The following VPS41 variants were observed in gnomAD, a reference collection of about 807,000 sequenced individuals.
VPS41 encodes VPS41 subunit of HOPS complex, also known as vacuolar protein sorting-associated protein 41 homolog.
A neutral mutation model predicts 130.9 loss-of-function variants in VPS41; 85 were observed. The observed-to-expected ratio is 0.65, with a 90% CI of 0.55 to 0.78. The LOEUF is 0.78. VPS41 is among the 30% of genes least tolerant of loss of function. The probability of loss-of-function intolerance (pLI) is 0.00; values close to 1 mark genes in which losing one functional copy is unlikely to be tolerated. For synonymous variants in VPS41, 335 were observed against 332.9 expected, an observed-to-expected ratio of 1.01 and a Z score of -0.07; for missense variants, 874 against 1,018.7, an observed-to-expected ratio of 0.86 and a Z score of 1.93.
intron 18 of VPS41, among the ~76,000 whole-genome samples, chr7:38,757,663 T>G (rs1783826773): frequency 6.6e-6 from 1 of 152,140 alleles, no homozygotes; most frequent in Non-Finnish European, 1.5e-5. Flanking sequence ...TATACCTTTT[T>G]TGGTTTTGGG....
intron 9 of VPS41, among the ~76,000 whole-genome samples, chr7:38,794,000 C>A (rs1291680159): frequency 6.6e-6 from 1 of 152,070 alleles, no homozygotes; most frequent in Non-Finnish European, 1.5e-5. Context: ...TTTATAGGTT[C>A]TAGGAATTAG....
At chr7:38,742,299 A>G (rs1285199803) in intron 24 of VPS41, among the ~76,000 whole-genome samples, 178 bp from the exon 25 acceptor site, 1 of 152,244 alleles carries the variant, frequency 6.6e-6, no homozygotes, top group Non-Finnish European at 1.5e-5. Flanking sequence ...TTAATCTTCT[A>G]AACTTCCAAG....
At chr7:38,905,366 G>A (rs1353261569) in intron 1 of VPS41, among the ~76,000 whole-genome samples, 1 of 152,200 alleles carries the variant, frequency 6.6e-6, no homozygotes, top group Non-Finnish European at 1.5e-5. Context: ...AAAACTGCTG[G>A]TTAGAAGATT....
intron 27 of VPS41, 78 bp from the exon 28 acceptor site, chr7:38,727,066 C>A: frequency 7.5e-7 from 1 of 1,330,160 alleles, no homozygotes; most frequent in South Asian, 2.0e-5. Flanking sequence ...GACTGAAAGT[C>A]GAGTTGCAGT....
chr7:38,726,895 A>C lies in VPS41; in HGVS notation c.2484+14T>G. On this transcript the variant is annotated intron_variant, in intron 28 of 28. Coordinates refer to ENST00000310301, the MANE Select transcript of VPS41 (RefSeq NM_014396.4). ...ATTTCCCTCTAGTTGATAGGTGCCA[A>C]GCTGCCAACTCACCATGCTGGGCAT... The C allele has an allele frequency of 6.5e-7, 1 of 1,532,102 alleles. No homozygotes were observed. The highest frequency in any genetic ancestry group is 8.8e-7 in the Non-Finnish European group (1 of 1,140,920). 94.9% of individuals were successfully genotyped at this position (1,532,102 alleles called of 1,614,324 possible).
At chr7:38,730,270 T>C (rs2078438605) in intron 25 of VPS41, among the ~76,000 whole-genome samples, 1 of 152,210 alleles carries the variant, frequency 6.6e-6, no homozygotes. Flanking sequence ...TTCATGCCAC[T>C]GGGGAAGAAA....
At chr7:38,858,710 T>G (rs961673225) in intron 4 of VPS41, among the ~76,000 whole-genome samples, 4 of 152,220 alleles carry the variant, frequency 2.6e-5, no homozygotes, top group Non-Finnish European at 5.9e-5. Context: ...GTGTCTGTGA[T>G]GATGCTAGTG....
intron 4 of VPS41, among the ~76,000 whole-genome samples, chr7:38,849,253 C>T (rs1420709572): frequency 2.6e-5 from 4 of 152,038 alleles, no homozygotes; most frequent in Non-Finnish European, 5.9e-5. Context: ...TGCTCCTGAC[C>T]CCACGGCAGC....
At chr7:38,828,193 C>T (rs1785317220) in intron 5 of VPS41, among the ~76,000 whole-genome samples, 1 of 151,992 alleles carries the variant, frequency 6.6e-6, no homozygotes, top group Admixed American at 6.6e-5. Context: ...CTTGTATGTA[C>T]TTATCCTAAA....
intron 25 of VPS41, 35 bp from the exon 26 acceptor site, chr7:38,728,826 A>ACAGATT: frequency 6.3e-7 from 1 of 1,593,066 alleles, no homozygotes; most frequent in Non-Finnish European, 8.6e-7. Context: ...AGCCATCTTA[A>ACAGATT]GTAGACTCAA....
chr7:38,779,720 G>A (rs1784322602), intron 10 of VPS41, among the ~76,000 whole-genome samples: 1 of 152,180 alleles, frequency 6.6e-6, no homozygotes, highest in South Asian at 2.1e-4. Flanking sequence ...CAGAAGGGCT[G>A]GCTGCAGACA....
chr7:38,905,432 G>A (rs1787238992), intron 1 of VPS41, among the ~76,000 whole-genome samples: 1 of 152,170 alleles, frequency 6.6e-6, no homozygotes, highest in Non-Finnish European at 1.5e-5. Flanking sequence ...TATATATGTA[G>A]TTACTTTTGA....
At chr7:38,843,861 G>A (rs1785666657) in intron 4 of VPS41, among the ~76,000 whole-genome samples, 1 of 152,180 alleles carries the variant, frequency 6.6e-6, no homozygotes, top group Non-Finnish European at 1.5e-5. Flanking sequence ...TTTATAAGCA[G>A]AAGGGGTAAG....
chr7:38,848,260 T>C (rs1785769517), intron 4 of VPS41, among the ~76,000 whole-genome samples: 1 of 152,204 alleles, frequency 6.6e-6, no homozygotes, highest in Non-Finnish European at 1.5e-5. Context: ...TCAAGCTTAA[T>C]AATGTTCTTA....
chr7:38,734,524 T>G (rs1014092933), intron 25 of VPS41, among the ~76,000 whole-genome samples: 7 of 152,214 alleles, frequency 4.6e-5, no homozygotes, highest in Non-Finnish European at 7.3e-5. Context: ...ACATGAGAAC[T>G]TAGATTTGCC....
chr7:38,726,818 A>T, intron 28 of VPS41, 91 bp downstream of exon 28: 1 of 1,133,230 alleles, frequency 8.8e-7, no homozygotes, highest in Non-Finnish European at 1.2e-6. Context: ...TAACCCATAC[A>T]GCCATAAGGA....
chr7:38,749,475 C>T (rs186398152), intron 22 of VPS41, among the ~76,000 whole-genome samples: 2 of 152,272 alleles, frequency 1.3e-5, no homozygotes, highest in Admixed American at 1.3e-4. Context: ...TCAATGGGTT[C>T]TGAATATGCC....
chr7:38,808,832 C>T (rs1458568235), intron 7 of VPS41, among the ~76,000 whole-genome samples: 1 of 152,156 alleles, frequency 6.6e-6, no homozygotes, highest in Non-Finnish European at 1.5e-5. Context: ...AGGAAGCACT[C>T]CTACACTTCA....
chr7:38,835,778 G>A (rs12533808), intron 4 of VPS41, among the ~76,000 whole-genome samples: 92,436 of 151,186 alleles, frequency 0.61, 29,070 homozygotes, highest in East Asian at 0.89. Flanking sequence ...TACTCCAATT[G>A]TAGTTTTGTT....
Sources: gnomAD v4.1 joint callset for allele counts (sites outside exome capture counted in the v4.1 genomes callset) on GRCh38, gnomAD v4.1.1 for gene constraint, MANE v1.5 for transcripts, NCBI Gene and HGNC (gene_info 2026-07-23, HGNC 2026-07-21) for gene names.